The following EYS variants were observed in gnomAD, a reference collection of about 807,000 sequenced individuals.
The protein encoded by EYS is protein eyes shut homolog.
EYS carries 250 observed loss-of-function variants against 282.1 expected under a neutral mutation model. The ratio of observed to expected loss-of-function variants is 0.89; its 90% CI spans 0.80 to 0.98. The LOEUF (loss-of-function observed/expected upper bound fraction) is 0.98. Ranked by LOEUF, EYS falls within the 50% of genes least tolerant of loss-of-function variation. The probability of loss-of-function intolerance (pLI) is 0.00; values close to 1 mark genes in which losing one functional copy is unlikely to be tolerated. For missense variants in EYS, 4,016 were observed against 3,709.0 expected (o/e 1.08, Z -2.15); for synonymous variants, 1,355 against 1,282.9 (o/e 1.06, Z -1.20).
intron 12 of EYS, among the ~76,000 whole-genome samples, chr6:65,083,275 C>T (rs1398774797): frequency 6.6e-6 from 1 of 151,958 alleles, no homozygotes; most frequent in Non-Finnish European, 1.5e-5. Flanking sequence ...CTATGATTTA[C>T]TACTTCATAA....
chr6:65,296,011 G>C lies in EYS; in HGVS notation c.1875C>G (p.His625Gln), dbSNP rs1768653710. The change falls in exon 12 of 43, where the codon CAC becomes CAG. Residue 625 changes from histidine to glutamine, a missense_variant. Transcript: ENST00000503581. ...TTTGCAGACCGCTACAGTTACAATT[G>C]TGCGAAAGGGCCAGGCAGAGGCCAT... ...SVHGLCLALS[H>Q]NCNCSGLQRY... is the part of the protein sequence containing the mutation. 1 of 1,551,140 alleles carries C rather than the reference G, an allele frequency of 6.4e-7. No homozygotes were observed. The highest frequency in any genetic ancestry group is 8.7e-7 in the Non-Finnish European group (1 of 1,146,522).
chr6:64,688,694 T>C (rs928819178), intron 22 of EYS, among the ~76,000 whole-genome samples: 1 of 152,198 alleles, frequency 6.6e-6, no homozygotes, highest in African/African-American at 2.4e-5. Flanking sequence ...GAAGAATGAA[T>C]ATTCTGTTGA....
intron 14 of EYS, among the ~76,000 whole-genome samples, chr6:64,975,191 T>C (rs541049860): frequency 1.3e-5 from 2 of 151,972 alleles, no homozygotes; most frequent in Admixed American, 1.3e-4. Flanking sequence ...TTTCTGATAT[T>C]GATTAGAAAC....
intron 12 of EYS, among the ~76,000 whole-genome samples, chr6:65,189,786 C>T (rs1261318508): frequency 1.3e-5 from 2 of 151,704 alleles, no homozygotes; most frequent in Admixed American, 6.6e-5. Flanking sequence ...CCTGAACAAT[C>T]CTAATGAAGA....
chr6:64,844,246 T>C (rs1272112353), intron 19 of EYS, among the ~76,000 whole-genome samples: 2 of 152,152 alleles, frequency 1.3e-5, no homozygotes, highest in African/African-American at 4.8e-5. Context: ...AGCAATTTTG[T>C]GTATATCGTC....
chr6:63,786,041 T>C (rs990369349), intron 39 of EYS: 1 of 151,978 alleles, frequency 6.6e-6, no homozygotes, highest in African/African-American at 2.4e-5. Flanking sequence ...ATTTTATAAC[T>C]CTACTACAAT....
At chr6:65,632,754 A>G (rs1766959390) in intron 2 of EYS, among the ~76,000 whole-genome samples, 1 of 152,188 alleles carries the variant, frequency 6.6e-6, no homozygotes, top group African/African-American at 2.4e-5. Context: ...TAGGTAAGTT[A>G]TATTTTCTCA....
intron 30 of EYS, among the ~76,000 whole-genome samples, chr6:64,276,292 G>A (rs1359224876): frequency 2.0e-5 from 3 of 152,164 alleles, no homozygotes; most frequent in Admixed American, 6.5e-5. Flanking sequence ...TTAGGTATAA[G>A]TCAACTGTAT....
chr6:65,147,361 C>A (rs1764504821), intron 12 of EYS, among the ~76,000 whole-genome samples: 1 of 152,044 alleles, frequency 6.6e-6, no homozygotes, highest in Admixed American at 6.6e-5. Flanking sequence ...TTATATTTAT[C>A]ATTTCACCAG....
intron 31 of EYS, among the ~76,000 whole-genome samples, chr6:64,138,457 CAGTT>C (rs1437677403): frequency 2.0e-5 from 3 of 152,118 alleles, no homozygotes; most frequent in Admixed American, 6.6e-5. Flanking sequence ...ATTCCAGAGA[CAGTT>C]AGGACATTTC....
intron 22 of EYS, among the ~76,000 whole-genome samples, chr6:64,652,264 C>G (rs1768589488): frequency 1.3e-5 from 2 of 152,088 alleles, no homozygotes; most frequent in South Asian, 2.1e-4. Flanking sequence ...GAGAAATTAA[C>G]TGGGGGTGGG....
At chr6:63,725,966 A>G (rs1364110613) in intron 42 of EYS, among the ~76,000 whole-genome samples, 4 of 152,176 alleles carry the variant, frequency 2.6e-5, no homozygotes, top group African/African-American at 9.6e-5. Flanking sequence ...GAAAATGGAT[A>G]TCAAGGGTAA....
chr6:64,748,940 T>C (rs1772652704), intron 22 of EYS, among the ~76,000 whole-genome samples: 1 of 152,064 alleles, frequency 6.6e-6, no homozygotes, highest in Admixed American at 6.5e-5. Context: ...GCCCAGCTAA[T>C]TTTTGTATTT....
chr6:64,025,109 T>C (rs569298022), intron 33 of EYS, among the ~76,000 whole-genome samples: 1 of 152,266 alleles, frequency 6.6e-6, no homozygotes, highest in Admixed American at 6.5e-5. Flanking sequence ...TTCCTTAGAA[T>C]TCGGGGGCTA....
chr6:65,373,575 G>T (rs1244360214), intron 8 of EYS, among the ~76,000 whole-genome samples: 1 of 151,910 alleles, frequency 6.6e-6, no homozygotes, highest in African/African-American at 2.4e-5. Flanking sequence ...TTTACAAGTG[G>T]ATAAATACAT....
chr6:65,530,072 C>T (rs1767706450), intron 2 of EYS, among the ~76,000 whole-genome samples: 4 of 152,086 alleles, frequency 2.6e-5, no homozygotes, highest in Admixed American at 2.6e-4. Flanking sequence ...TTTGTCTCAG[C>T]CTTGGGATTG....
At chr6:64,494,980 C>G (rs1006023134) in intron 26 of EYS, among the ~76,000 whole-genome samples, 6 of 151,508 alleles carry the variant, frequency 4.0e-5, no homozygotes, top group Admixed American at 1.3e-4. Context: ...CTTGATTATT[C>G]TGTTACTACT....
chr6:63,837,096 G>C (rs1222817433), intron 36 of EYS, among the ~76,000 whole-genome samples: 1 of 151,920 alleles, frequency 6.6e-6, no homozygotes, highest in Non-Finnish European at 1.5e-5. Context: ...TTTTTTGATA[G>C]TACTGTCTCA....
chr6:65,249,876 G>C (rs1417186901), intron 12 of EYS, among the ~76,000 whole-genome samples: 1 of 151,938 alleles, frequency 6.6e-6, no homozygotes, highest in African/African-American at 2.4e-5. Context: ...AGGTACTGCA[G>C]CAAAAAAGGT....
Sources: gnomAD v4.1 joint callset for allele counts (sites outside exome capture counted in the v4.1 genomes callset) on GRCh38, gnomAD v4.1.1 for gene constraint, MANE v1.5 for transcripts, NCBI Gene and HGNC (gene_info 2026-07-23, HGNC 2026-07-21) for gene names.